Variants in ESD observed in about 807,000 individuals in gnomAD.
ESD encodes esterase D.
In ESD, 34 loss-of-function variants were observed where a neutral mutation model predicts 38.1. That is an observed-to-expected ratio of 0.89 (90% confidence interval 0.68 to 1.19). The LOEUF (loss-of-function observed/expected upper bound fraction) is 1.19. Among genes scored for constraint, ESD ranks in the 50% most tolerant of loss-of-function variants. The pLI, the probability that ESD is intolerant of heterozygous loss-of-function variation, is 0.00. For synonymous variants in ESD, 97 were observed against 107.0 expected (o/e 0.91, Z 0.58); for missense variants, 334 against 327.2 (o/e 1.02, Z -0.16).
chr13:46,789,591 ATTAT>A (rs1163476637), intron 3 of ESD, among the ~76,000 whole-genome samples: 5 of 152,032 alleles, frequency 3.3e-5, no homozygotes, highest in Non-Finnish European at 7.4e-5. Flanking sequence ...GAATTCTTGA[ATTAT>A]TTATTATTTA....
chr13:46,790,425 C>G (rs537230393), intron 3 of ESD, among the ~76,000 whole-genome samples: 2 of 152,222 alleles, frequency 1.3e-5, no homozygotes, highest in South Asian at 4.1e-4. Context: ...TACTCAAACT[C>G]CCCACAAAGA....
At chr13:46,793,154 A>G (rs1875455293) in intron 2 of ESD, among the ~76,000 whole-genome samples, 1 of 152,146 alleles carries the variant, frequency 6.6e-6, no homozygotes, top group South Asian at 2.1e-4. Context: ...TCTACCCACC[A>G]TTTTAGAAAC....
At chr13:46,771,626 G>A in intron 9 of ESD, 130 bp from the exon 10 acceptor site, 1 of 507,394 alleles carries the variant, frequency 2.0e-6, no homozygotes, top group Admixed American at 3.5e-5. Context: ...GTATGAGGAA[G>A]GTTTATAATA....
intron 1 of ESD, 27 bp downstream of exon 1, chr13:46,797,078 C>G (rs1875613581): frequency 6.6e-6 from 1 of 152,408 alleles, no homozygotes; most frequent in Admixed American, 6.5e-5. Flanking sequence ...TGACAACGTC[C>G]AGGCCTCTAC....
At chr13:46,780,076 A>G in intron 7 of ESD, 43 bp from the exon 8 acceptor site, 1 of 1,348,190 alleles carries the variant, frequency 7.4e-7, no homozygotes, top group African/African-American at 1.5e-5. Flanking sequence ...ATATTTTGCT[A>G]AATTAAATAT....
Position 46,781,541 on chromosome 13 carries a change from A to T in ESD, c.456T>A (p.Gly152=). 6.2e-7 allele frequency: 1 copy of T among 1,607,266 alleles called. No homozygotes were observed. The highest frequency in any genetic ancestry group is 8.5e-7 in the Non-Finnish European group (1 of 1,175,010). ...RMSIFGHSMG[G]HGALICALKN... Reference sequence around the variant, plus strand: ...TCAAAGCACAGATCAGAGCTCCATGACCTCCCATGGAGTGGCCAAAAATAG... The same window carrying T: ...TCAAAGCACAGATCAGAGCTCCATGTCCTCCCATGGAGTGGCCAAAAATAG... The change falls in exon 7 of 10, where the codon GGT becomes GGA. Residue 152 remains glycine, a synonymous_variant. Coordinates refer to ENST00000378720, the MANE Select transcript of ESD (RefSeq NM_001984.2).
At chr13:46,791,534 G>T (rs1875402239) in intron 2 of ESD, 114 bp from the exon 3 acceptor site, 1 of 739,086 alleles carries the variant, frequency 1.4e-6, no homozygotes, top group Non-Finnish European at 2.2e-6. Flanking sequence ...TTTCTACTTA[G>T]AATTTTTTTT....
chr13:46,781,307 T>TA (rs1755211360), intron 7 of ESD, among the ~76,000 whole-genome samples, 189 bp downstream of exon 7: 1 of 151,752 alleles, frequency 6.6e-6, no homozygotes, highest in Admixed American at 6.6e-5. Flanking sequence ...GCTGAATTCC[T>TA]ATGCGTCTGA....
Position 46,784,242 on chromosome 13 carries a change from A to G in ESD, c.256+10T>C. The G allele has an allele frequency of 6.2e-7, 1 of 1,604,748 alleles. No individual in the cohort carries two copies. Among genetic ancestry groups the G allele is most frequent in the Non-Finnish European group, 8.5e-7 (1 of 1,172,784 alleles). On this transcript the variant is annotated intron_variant, in intron 5 of 9. Transcript: ENST00000378720. Reference sequence around the variant, plus strand: ...TTTTTACAAAGGATATCTAGACCACAAACACTTACGAGGGCTGGTATCTGG... The same window carrying G: ...TTTTTACAAAGGATATCTAGACCACGAACACTTACGAGGGCTGGTATCTGG...
At chr13:46,792,698 T>C (rs376658996) in intron 2 of ESD, among the ~76,000 whole-genome samples, 1 of 152,036 alleles carries the variant, frequency 6.6e-6, no homozygotes, top group East Asian at 1.9e-4. Flanking sequence ...TTTTATGCTT[T>C]TAATCTATAA....
chr13:46,776,935 A>T (rs1433704052), intron 9 of ESD: 1 of 151,822 alleles, frequency 6.6e-6, no homozygotes, highest in East Asian at 1.9e-4. Flanking sequence ...TATTTTAGTT[A>T]AAAAAAACTT....
At chr13:46,792,127 GATAA>G (rs1875424153) in intron 2 of ESD, among the ~76,000 whole-genome samples, 1 of 151,944 alleles carries the variant, frequency 6.6e-6, no homozygotes, top group South Asian at 2.1e-4. Context: ...TGCTTTTAAT[GATAA>G]ATACAGGAAA....
At chr13:46,784,563 C>A (rs570159203) in intron 4 of ESD, among the ~76,000 whole-genome samples, 1 of 151,864 alleles carries the variant, frequency 6.6e-6, no homozygotes, top group South Asian at 2.1e-4. Flanking sequence ...GCACGTGTAC[C>A]CCTTTAATCT....
chr13:46,771,511 G>C lies in ESD; in HGVS notation c.769-15C>G. ...TGATCATAACCCTAGAAGATAAAGA[G>C]ATGATAAGACATTTATCTACCATTC... On this transcript the variant is annotated splice_polypyrimidine_tract_variant and intron_variant, in intron 9 of 9. Coordinates refer to ENST00000378720, the MANE Select transcript of ESD (RefSeq NM_001984.2). 1 of 1,483,432 alleles carries C rather than the reference G, an allele frequency of 6.7e-7. No homozygotes were observed. Among genetic ancestry groups the C allele is most frequent in the Non-Finnish European group, 9.4e-7 (1 of 1,065,402 alleles). 91.9% of individuals were successfully genotyped at this position (1,483,432 alleles called of 1,614,324 possible).
Position 46,775,179 on chromosome 13 carries a change from AT to A in ESD, c.768+2276del, listed in dbSNP as rs890136616. On this transcript the variant is annotated intron_variant, in intron 9 of 9. Coordinates refer to ENST00000378720, the MANE Select transcript of ESD (RefSeq NM_001984.2). ...AGATATCAGAATTCTGCTACCTAGT[AT>A]TTTTTTTTCAATTTAGATTCCCTGA... is the stretch of plus-strand genomic sequence containing the variant. Among the ~76,000 whole-genome samples, 17 of 150,934 alleles carry A rather than the reference AT, an allele frequency of 1.1e-4. No individual in the cohort carries two copies. In the East Asian group the frequency reaches 1.4e-3, roughly 12 times the overall value.
intron 3 of ESD, among the ~76,000 whole-genome samples, chr13:46,790,108 T>G (rs1330742067): frequency 6.6e-6 from 1 of 151,810 alleles, no homozygotes. Flanking sequence ...TCCCAAAGTG[T>G]TAGTATTACA....
intron 7 of ESD, 122 bp downstream of exon 7, chr13:46,781,374 G>A: frequency 4.7e-6 from 4 of 846,706 alleles, no homozygotes; most frequent in Non-Finnish European, 5.2e-6. Flanking sequence ...ACACCCCAAA[G>A]TTCTCAACAC....
At chr13:46,794,324 T>C (rs1345050793) in intron 1 of ESD, among the ~76,000 whole-genome samples, 1 of 152,142 alleles carries the variant, frequency 6.6e-6, no homozygotes, top group Admixed American at 6.5e-5. Flanking sequence ...CAAACCTTAC[T>C]GTTCTTCCCT....
chr13:46,777,831 T>C (rs1468002283), intron 8 of ESD, among the ~76,000 whole-genome samples: 1 of 151,864 alleles, frequency 6.6e-6, no homozygotes, highest in Non-Finnish European at 1.5e-5. Flanking sequence ...GTCTCTTCCC[T>C]ACTTTCAAGC....
Sources: allele counts gnomAD v4.1 joint callset (sites outside exome capture counted in the v4.1 genomes callset), GRCh38; gene constraint gnomAD v4.1.1; transcripts MANE v1.5; gene names NCBI Gene and HGNC (gene_info 2026-07-23, HGNC 2026-07-21).